LDB2: variants seen among roughly 807,000 people sequenced by gnomAD.
The protein encoded by LDB2 is LIM domain binding 2, also known as LIM domain-binding protein 2.
LDB2 carries 12 observed loss-of-function variants against 44.3 expected under a neutral mutation model. That is an observed-to-expected ratio of 0.27 (90% CI 0.17 to 0.44). The LOEUF is 0.44. Ranked by LOEUF, LDB2 falls within the 20% of genes least tolerant of loss-of-function variation. LDB2 has a pLI of 1.00. For missense variants in LDB2, 344 were observed against 473.5 expected, an observed-to-expected ratio of 0.73 and a Z score of 2.54; for synonymous variants, 164 against 174.8, an observed-to-expected ratio of 0.94 and a Z score of 0.49.
chr4:16,694,220 T>C (rs888989337), intron 2 of LDB2, among the ~76,000 whole-genome samples: 1 of 152,212 alleles, frequency 6.6e-6, no homozygotes, highest in East Asian at 1.9e-4. Flanking sequence ...TTTTAATGGA[T>C]TCCTGACCCT....
intron 2 of LDB2, among the ~76,000 whole-genome samples, chr4:16,715,423 T>C (rs1434115050): frequency 6.6e-6 from 1 of 152,238 alleles, no homozygotes; most frequent in Admixed American, 6.5e-5. Flanking sequence ...CACTGGACTA[T>C]AGATGTCAAC....
chr4:16,570,526 A>AC (rs1746136963), intron 5 of LDB2, among the ~76,000 whole-genome samples: 1 of 143,268 alleles, frequency 7.0e-6, no homozygotes, highest in South Asian at 2.4e-4. Flanking sequence ...AGTGATAGCC[A>AC]CGGGAGGCAG....
At chr4:16,668,174 G>A (rs2152551762) in intron 2 of LDB2, among the ~76,000 whole-genome samples, 1 of 151,414 alleles carries the variant, frequency 6.6e-6, no homozygotes, top group East Asian at 1.9e-4. Flanking sequence ...ATATATACAT[G>A]TACTGGGTCA....
In LDB2 at chr4:16,747,303, C is replaced by T. The variant is rs139723118; in HGVS notation, c.235+11855G>A. Among the ~76,000 whole-genome samples the T allele has an allele frequency of 7.8e-3, 1,189 of 152,150 alleles. 17 individuals carry two copies. The highest frequency in any genetic ancestry group is 0.027 in the African/African-American group (1,116 of 41,512). On this transcript the variant is annotated intron_variant, in intron 2 of 7. Coordinates refer to ENST00000304523, the MANE Select transcript of LDB2 (RefSeq NM_001290.5). ...ATCTTTTAAAAAAATAATAGAGCTC[C>T]AAGTACTAAAGCATTTTATAAGAAA...
chr4:16,738,841 C>G (rs1338122003), intron 2 of LDB2, among the ~76,000 whole-genome samples: 1 of 152,156 alleles, frequency 6.6e-6, no homozygotes, highest in Non-Finnish European at 1.5e-5. Context: ...ATTGTTTACT[C>G]ATACTTTATG....
At chr4:16,654,108 T>C (rs944522253) in intron 2 of LDB2, among the ~76,000 whole-genome samples, 3 of 152,132 alleles carry the variant, frequency 2.0e-5, no homozygotes, top group Non-Finnish European at 2.9e-5. Flanking sequence ...GGTCCAAATA[T>C]CGGTGCAAAG....
chr4:16,719,460 A>G (rs1484160221), intron 2 of LDB2, among the ~76,000 whole-genome samples: 1 of 152,080 alleles, frequency 6.6e-6, no homozygotes, highest in Non-Finnish European at 1.5e-5. Context: ...TTCTTTGAGA[A>G]GGCCTTCTGT....
chr4:16,659,465 A>G (rs1361643760), intron 2 of LDB2, among the ~76,000 whole-genome samples: 2 of 152,114 alleles, frequency 1.3e-5, no homozygotes, highest in Non-Finnish European at 2.9e-5. Context: ...TGGGTAGAAA[A>G]TAAATGTTGC....
chr4:16,559,770 T>A (rs968007620), intron 5 of LDB2, among the ~76,000 whole-genome samples: 2 of 152,186 alleles, frequency 1.3e-5, no homozygotes, highest in African/African-American at 4.8e-5. Context: ...TACATGTTTT[T>A]CAGCACCACA....
chr4:16,697,154 G>A (rs942340426), intron 2 of LDB2, among the ~76,000 whole-genome samples: 1 of 151,942 alleles, frequency 6.6e-6, no homozygotes, highest in Admixed American at 6.6e-5. Context: ...CCTAGGAACG[G>A]TGGCTTACAC....
intron 1 of LDB2, among the ~76,000 whole-genome samples, chr4:16,828,271 T>C (rs1254798748): frequency 6.6e-6 from 1 of 152,234 alleles, no homozygotes; most frequent in Admixed American, 6.5e-5. Context: ...GCCAGATTCA[T>C]GTATCAATAC....
chr4:16,895,273 G>A (rs1286321089), intron 1 of LDB2, among the ~76,000 whole-genome samples: 1 of 151,966 alleles, frequency 6.6e-6, no homozygotes, highest in African/African-American at 2.4e-5. Context: ...CAAACTTCCC[G>A]GCTTCTGAAG....
intron 1 of LDB2, among the ~76,000 whole-genome samples, chr4:16,783,166 G>A (rs866824421): frequency 1.3e-5 from 2 of 152,338 alleles, no homozygotes; most frequent in Middle Eastern, 3.4e-3. Flanking sequence ...GCTTATGAAC[G>A]AGAAGCAGGG....
intron 2 of LDB2, among the ~76,000 whole-genome samples, chr4:16,596,464 C>T (rs1720941189): frequency 6.6e-6 from 1 of 152,088 alleles, no homozygotes; most frequent in Non-Finnish European, 1.5e-5. Context: ...GCTTCAAGGT[C>T]ACGTGACTTG....
At position 16,502,275 on chromosome 4, in the gene LDB2, C is replaced by A; in HGVS notation, c.*368G>T. The A allele has an allele frequency of 4.7e-6, 1 of 213,110 alleles. No individual in the cohort carries two copies. Among genetic ancestry groups the A allele is most frequent in the Non-Finnish European group, 9.6e-6 (1 of 103,698 alleles). 13.2% of individuals were successfully genotyped at this position (213,110 alleles called of 1,614,324 possible). On this transcript the variant is annotated 3_prime_UTR_variant, in exon 8 of 8. Coordinates refer to ENST00000304523, the MANE Select transcript of LDB2 (RefSeq NM_001290.5). ...GTTAGGTTCGGCATATTAATGAGAT[C>A]CTGAGCACTGAGCATTTATGGACAA...
intron 2 of LDB2, among the ~76,000 whole-genome samples, chr4:16,695,999 A>G (rs1287755642): frequency 2.0e-5 from 3 of 152,166 alleles, no homozygotes; most frequent in Non-Finnish European, 4.4e-5. Flanking sequence ...TCATCATTGC[A>G]TTGCTCTGAA....
At chr4:16,621,399 G>T (rs1425386364) in intron 2 of LDB2, among the ~76,000 whole-genome samples, 1 of 152,158 alleles carries the variant, frequency 6.6e-6, no homozygotes, top group Non-Finnish European at 1.5e-5. Flanking sequence ...TGAAGAGAGG[G>T]ATGGATGGCT....
chr4:16,528,208 C>T (rs1053218856), intron 5 of LDB2, among the ~76,000 whole-genome samples: 6 of 151,830 alleles, frequency 4.0e-5, no homozygotes, highest in Admixed American at 2.0e-4. Flanking sequence ...GGACTCAGGG[C>T]GAAAGGGAGG....
chr4:16,654,858 G>A (rs557749946), intron 2 of LDB2, among the ~76,000 whole-genome samples: 6 of 152,170 alleles, frequency 3.9e-5, no homozygotes, highest in African/African-American at 1.4e-4. Context: ...TTTGATTCAC[G>A]TTAACTTCCC....
Sources: allele counts gnomAD v4.1 joint callset (sites outside exome capture counted in the v4.1 genomes callset), GRCh38; gene constraint gnomAD v4.1.1; transcripts MANE v1.5; gene names NCBI Gene and HGNC (gene_info 2026-07-23, HGNC 2026-07-21).